The following SNX29 variants were observed in gnomAD, a reference collection of about 807,000 sequenced individuals.
SNX29 encodes the protein sorting nexin 29, also known as sorting nexin-29.
In SNX29, 78 loss-of-function variants were observed where a neutral mutation model predicts 102.1. The ratio of observed to expected loss-of-function variants is 0.76; its 90% CI spans 0.64 to 0.92. The LOEUF is 0.92. Among genes scored for constraint, SNX29 ranks in the 40% least tolerant of loss-of-function variants. The pLI, the probability that SNX29 is intolerant of heterozygous loss-of-function variation, is 0.00. For missense variants in SNX29, 1,280 were observed against 1,061.7 expected, an observed-to-expected ratio of 1.21 and a Z score of -2.86; for synonymous variants, 580 against 414.5, an observed-to-expected ratio of 1.40 and a Z score of -4.85.
intron 19 of SNX29, among the ~76,000 whole-genome samples, chr16:12,513,547 G>A (rs1017565851): frequency 6.6e-6 from 1 of 151,992 alleles, no homozygotes; most frequent in Non-Finnish European, 1.5e-5. Context: ...TGCGTTCCAG[G>A]TGGTGATCAC....
chr16:12,365,095 G>C (rs1196276652), intron 16 of SNX29, among the ~76,000 whole-genome samples: 1 of 152,162 alleles, frequency 6.6e-6, no homozygotes, highest in Non-Finnish European at 1.5e-5. Context: ...GGTAGCACCT[G>C]AATGTAAACC....
rs143006476 is a variant in SNX29 at position 12,463,817 on chromosome 16, AGTGTGTGT to A, written c.2038-13872_2038-13865del. Among the ~76,000 whole-genome samples, 595 of 143,378 alleles carry A rather than the reference AGTGTGTGT, an allele frequency of 4.1e-3. 1 individual carries two copies. Among genetic ancestry groups the A allele is most frequent in the South Asian group, 6.7e-3 (29 of 4,316 alleles). 94.1% of individuals were successfully genotyped at this position (143,378 alleles called of 152,430 possible). A position where few individuals can be genotyped will look rare whatever the true frequency, so the allele number is the denominator to read the frequency against. On this transcript the variant is annotated intron_variant, in intron 18 of 20. Transcript: ENST00000566228. ...AACATATCCACCACCTCCCGAAGTG[AGTGTGTGT>A]GTGTGTGTGTGTGTGTGTGTGTGTG... is the stretch of plus-strand genomic sequence containing the variant.
Position 12,568,041 on chromosome 16 carries a change from A to G in SNX29, c.2319-465A>G, listed in dbSNP as rs552425896. Among the ~76,000 whole-genome samples the G allele has an allele frequency of 6.6e-5, 10 of 152,286 alleles. 1 individual carries two copies. The South Asian group carries it at 2.1e-3, about 32-fold the overall frequency. On this transcript the variant is annotated intron_variant, in intron 20 of 20. Coordinates refer to ENST00000566228, the MANE Select transcript of SNX29 (RefSeq NM_032167.5). ...CAACCTTTTAACTAGCCCCTAGCCT[A>G]GGGCCTGATTATTTTCTTAGGATTA... is the stretch of plus-strand genomic sequence containing the variant.
chr16:12,449,043 C>T (rs1319702864), intron 18 of SNX29, among the ~76,000 whole-genome samples: 2 of 152,156 alleles, frequency 1.3e-5, no homozygotes, highest in Non-Finnish European at 2.9e-5. Flanking sequence ...TACTACGCAA[C>T]CTAATTTCTG....
chr16:12,064,499 G>A (rs577551617), intron 9 of SNX29, among the ~76,000 whole-genome samples: 14 of 152,374 alleles, frequency 9.2e-5, no homozygotes, highest in South Asian at 2.1e-4. Flanking sequence ...TGGAGATGAC[G>A]TGTGCCGGCG....
intron 18 of SNX29, among the ~76,000 whole-genome samples, chr16:12,407,154 C>A (rs1008015120): frequency 7.5e-6 from 1 of 133,410 alleles, no homozygotes; most frequent in African/African-American, 2.6e-5. Context: ...AAGGCCACAT[C>A]CTGCGGGGAG....
chr16:12,510,996 G>A lies in SNX29; in HGVS notation c.2179-13706G>A, dbSNP rs986704533. 5.3e-5 allele frequency among the ~76,000 whole-genome samples: 8 copies of A among 151,580 alleles called. No homozygotes were observed. In the East Asian group the frequency reaches 7.9e-4, roughly 15 times the overall value. ...CTCCCCCACAGAGTCTCACTCTGTC[G>A]CCCAGGCTGGAATGCAGTGGTGCCA... On this transcript the variant is annotated intron_variant, in intron 19 of 20. Coordinates refer to ENST00000566228, the MANE Select transcript of SNX29 (RefSeq NM_032167.5).
chr16:12,548,033 G>T (rs2077719164), intron 20 of SNX29, among the ~76,000 whole-genome samples: 1 of 152,150 alleles, frequency 6.6e-6, no homozygotes. Context: ...GCTCATATTG[G>T]TAAGGCAAGC....
Position 12,573,930 on chromosome 16 carries a change from G to T in SNX29, c.*5301G>T, listed in dbSNP as rs187989271. The T allele has an allele frequency of 2.3e-3, 458 of 202,468 alleles. 1 individual carries two copies. The highest frequency in any genetic ancestry group is 9.8e-3 in the African/African-American group (429 of 43,740). 12.5% of individuals were successfully genotyped at this position (202,468 alleles called of 1,614,324 possible). A position where few individuals can be genotyped will look rare whatever the true frequency, so the allele number is the denominator to read the frequency against. Reference sequence around the variant, plus strand: ...CACCTGACACCGACTTCTTAGAGAAGCGAGTCTTTTTTGAATGGAGGAGCG... The same window carrying T: ...CACCTGACACCGACTTCTTAGAGAATCGAGTCTTTTTTGAATGGAGGAGCG... On this transcript the variant is annotated 3_prime_UTR_variant, in exon 21 of 21. Coordinates refer to ENST00000566228, the MANE Select transcript of SNX29 (RefSeq NM_032167.5).
chr16:12,196,709 C>T (rs1379078832), intron 13 of SNX29, among the ~76,000 whole-genome samples: 2 of 151,634 alleles, frequency 1.3e-5, no homozygotes, highest in Non-Finnish European at 2.9e-5. Context: ...CAAGCTCCGC[C>T]TCCCAGGTTC....
intron 13 of SNX29, among the ~76,000 whole-genome samples, chr16:12,139,258 C>T (rs886937899): frequency 2.0e-5 from 3 of 147,348 alleles, no homozygotes; most frequent in East Asian, 2.0e-4. Context: ...CCTGCCTGAT[C>T]GTGAGACCGA....
chr16:12,456,597 C>T (rs1013356770), intron 18 of SNX29, among the ~76,000 whole-genome samples: 2 of 151,504 alleles, frequency 1.3e-5, no homozygotes, highest in Non-Finnish European at 2.9e-5. Context: ...AGTGTGTGCA[C>T]CTGGTAGTGT....
At chr16:11,979,827 A>G (rs1356522892) in intron 1 of SNX29, among the ~76,000 whole-genome samples, 1 of 151,756 alleles carries the variant, frequency 6.6e-6, no homozygotes, top group Non-Finnish European at 1.5e-5. Flanking sequence ...CATGTGATCC[A>G]CTTGTGAACT....
At chr16:12,534,770 C>G (rs924044486) in intron 20 of SNX29, among the ~76,000 whole-genome samples, 1 of 152,192 alleles carries the variant, frequency 6.6e-6, no homozygotes, top group African/African-American at 2.4e-5. Flanking sequence ...TCTGCGTCTA[C>G]CCCTCTGGTT....
chr16:12,367,412 C>T (rs1252074056), intron 16 of SNX29: 1 of 152,244 alleles, frequency 6.6e-6, no homozygotes, highest in East Asian at 1.9e-4. Context: ...TCATGTGGGT[C>T]CTCGCTGTGA....
At chr16:11,999,446 G>T in intron 2 of SNX29, 88 bp downstream of exon 2, 1 of 1,283,142 alleles carries the variant, frequency 7.8e-7, no homozygotes. Context: ...AACATACACA[G>T]ACTAACTCCC....
At chr16:12,193,695 G>C (rs886315011) in intron 13 of SNX29, among the ~76,000 whole-genome samples, 1 of 152,146 alleles carries the variant, frequency 6.6e-6, no homozygotes, top group Non-Finnish European at 1.5e-5. Flanking sequence ...ATTGGTTGAA[G>C]TTTATTTTTT....
chr16:11,995,854 G>A (rs1307779127), intron 1 of SNX29, among the ~76,000 whole-genome samples: 4 of 151,980 alleles, frequency 2.6e-5, no homozygotes, highest in African/African-American at 9.7e-5. Context: ...GAGGTCAGGA[G>A]TTTAAGACCA....
At chr16:12,404,894 C>A (rs2084100958) in intron 18 of SNX29, among the ~76,000 whole-genome samples, 1 of 152,184 alleles carries the variant, frequency 6.6e-6, no homozygotes, top group African/African-American at 2.4e-5. Context: ...ATATGCACAT[C>A]TTACTGGAAA....
Sources: allele counts gnomAD v4.1 joint callset (sites outside exome capture counted in the v4.1 genomes callset), GRCh38; gene constraint gnomAD v4.1.1; transcripts MANE v1.5; gene names NCBI Gene and HGNC (gene_info 2026-07-23, HGNC 2026-07-21).